The following RERE variants were observed in gnomAD, a reference collection of about 807,000 sequenced individuals.
RERE encodes the protein arginine-glutamic acid dipeptide repeats protein.
RERE carries 40 observed loss-of-function variants against 146.1 expected under a neutral mutation model. The ratio of observed to expected loss-of-function variants is 0.27; its 90% CI spans 0.21 to 0.36. The LOEUF is 0.36. Among genes scored for constraint, RERE ranks in the 10% least tolerant of loss-of-function variants. The pLI is 1.00. For synonymous variants in RERE, 1,003 were observed against 866.0 expected (o/e 1.16, Z -2.78); for missense variants, 1,933 against 2,138.7 (o/e 0.90, Z 1.90).
chr1:8,537,801 G>A (rs1161790563), intron 7 of RERE, among the ~76,000 whole-genome samples: 2 of 150,860 alleles, frequency 1.3e-5, no homozygotes, highest in Non-Finnish European at 3.0e-5. Context: ...AATCCATCAG[G>A]AACAAAAAAA....
intron 12 of RERE, among the ~76,000 whole-genome samples, chr1:8,420,439 C>A (rs1266012232): frequency 6.6e-6 from 1 of 152,114 alleles, no homozygotes; most frequent in Non-Finnish European, 1.5e-5. Context: ...TCTTCTGCAG[C>A]AAAAAGTAAA....
intron 7 of RERE, among the ~76,000 whole-genome samples, chr1:8,536,222 A>G (rs977488646): frequency 6.6e-6 from 1 of 152,188 alleles, no homozygotes; most frequent in African/African-American, 2.4e-5. Context: ...AGTTTTCTGC[A>G]GGGTAGCTTT....
intron 8 of RERE, among the ~76,000 whole-genome samples, chr1:8,499,349 T>C (rs1645097473): frequency 6.6e-6 from 1 of 152,238 alleles, no homozygotes; most frequent in Non-Finnish European, 1.5e-5. Flanking sequence ...TATCCCAATC[T>C]GGACTAGCCA....
intron 4 of RERE, among the ~76,000 whole-genome samples, chr1:8,595,893 C>T (rs1481500060): frequency 6.6e-6 from 1 of 152,178 alleles, no homozygotes; most frequent in Non-Finnish European, 1.5e-5. Context: ...TACACAGGCA[C>T]AAGGCTACAA....
At chr1:8,508,752 T>C in intron 7 of RERE, 77 bp from the exon 8 acceptor site, 1 of 1,180,236 alleles carries the variant, frequency 8.5e-7, no homozygotes, top group Non-Finnish European at 1.2e-6. Flanking sequence ...TCAAAAAAAG[T>C]AATTCTCTTC....
intron 11 of RERE, among the ~76,000 whole-genome samples, chr1:8,457,543 G>A (rs1015506767): frequency 6.6e-6 from 1 of 152,098 alleles, no homozygotes; most frequent in African/African-American, 2.4e-5. Context: ...GGCAATTAGG[G>A]GGCTACCAAG....
In RERE at chr1:8,356,267, C is replaced by A. The variant is rs1169585457; in HGVS notation, c.4340-21G>T. ...TGAACCTAAGGAAAGGACAAAACGC[C>A]AGATGGAGGCGGTGTGCAGCTCTTC... On this transcript the variant is annotated intron_variant, in intron 20 of 22. Transcript: ENST00000400908. This position sits in a 1 kb window ranked among gnomAD's most constrained non-coding sequence, Gnocchi z 5.2. 3 of 1,509,898 alleles carry A rather than the reference C, an allele frequency of 2.0e-6. No individual in the cohort carries two copies. The highest frequency in any genetic ancestry group is 2.6e-6 in the Non-Finnish European group (3 of 1,141,116). The allele number at this position is 1,509,898 out of a possible 1,614,324, so 93.5% of individuals were successfully genotyped here.
chr1:8,692,695 T>C (rs148009099), intron 1 of RERE, among the ~76,000 whole-genome samples: 19 of 152,276 alleles, frequency 1.2e-4, no homozygotes, highest in African/African-American at 4.3e-4. Context: ...ATACCTAATA[T>C]AATATAAACG....
intron 4 of RERE, among the ~76,000 whole-genome samples, chr1:8,593,788 T>C (rs1031839024): frequency 6.6e-6 from 1 of 152,220 alleles, no homozygotes; most frequent in South Asian, 2.1e-4. Flanking sequence ...AACAGTCCTA[T>C]TGGTGAGCCA....
In RERE at chr1:8,358,749, G is replaced by A. The variant is rs1020816578; in HGVS notation, c.3786C>T (p.Pro1262=). The A allele has an allele frequency of 4.3e-6, 7 of 1,610,414 alleles. No individual in the cohort carries two copies. The highest frequency in any genetic ancestry group is 1.3e-5 in the African/African-American group (1 of 74,884). Residue 1262 remains proline (P), a synonymous_variant, in exon 20 of 23, where the codon CCC becomes CCT. Coordinates refer to ENST00000400908, the MANE Select transcript of RERE (RefSeq NM_001042681.2). The part of the protein sequence containing the change: ...ALRTLSEYAR[P]HVMSPTNRNH... ...TGCGGTTGGTGGGCGACATGACGTGGGGCCGGGCGTACTCGCTCAGAGTCC... is the reference window on the plus strand; with the variant it reads ...TGCGGTTGGTGGGCGACATGACGTGAGGCCGGGCGTACTCGCTCAGAGTCC...
chr1:8,359,820 T>C lies in RERE; in HGVS notation c.3562A>G (p.Lys1188Glu), dbSNP rs1641483186. ...AREEREREKE[K>E]EKERERERER... ...CGCTCCCGCTCCCGCTCCTTCTCCTTCTCCTTCTCCCGCTCTCGCTCCTCT... is the reference window on the plus strand; with the variant it reads ...CGCTCCCGCTCCCGCTCCTTCTCCTCCTCCTTCTCCCGCTCTCGCTCCTCT... Residue 1188 changes from lysine to glutamate, a missense_variant, in exon 19 of 23, where the codon AAG becomes GAG. Physicochemically the swap from Lys to Glu is moderately conservative, Grantham distance 56. Coordinates refer to ENST00000400908, the MANE Select transcript of RERE (RefSeq NM_001042681.2). 2.5e-6 allele frequency: 4 copies of C among 1,606,902 alleles called. No individual in the cohort carries two copies. Among genetic ancestry groups the C allele is most frequent in the Non-Finnish European group, 3.4e-6 (4 of 1,179,470 alleles).
At chr1:8,789,301 A>AAAAAAAATATATATATATATAT in intron 1 of RERE, among the ~76,000 whole-genome samples, 1 of 24,814 alleles carries the variant, frequency 4.0e-5, no homozygotes, top group Non-Finnish European at 6.5e-5. Context: ...AAAAAAAAAA[A>AAAAAAAATATATATATATATAT]ATATATATAT....
intron 1 of RERE, among the ~76,000 whole-genome samples, chr1:8,679,534 T>A (rs1264877565): frequency 6.6e-6 from 1 of 152,148 alleles, no homozygotes; most frequent in African/African-American, 2.4e-5. Context: ...TATTATACCA[T>A]CACTCTGAAA....
rs570243712 is a variant in RERE, at chr1:8,358,460, C to A, written c.4075G>T (p.Ala1359Ser). The change falls in exon 20 of 23, where the codon GCC (alanine) becomes TCC (serine). Residue 1359 changes from alanine (A) to serine (S), a missense_variant. Ala to Ser is a moderately conservative substitution (Grantham distance 99). Coordinates refer to ENST00000400908, the MANE Select transcript of RERE (RefSeq NM_001042681.2). ...RHSALTIPPT[A>S]GPHPFASFHP... The stretch of plus-strand genomic sequence containing the variant: ...AAAGAAGCAAAAGGGTGGGGCCCGG[C>A]GGTCGGGGGGATGGTGAGGGCGCTG... 1.3e-6 allele frequency: 2 copies of A among 1,583,704 alleles called. No individual in the cohort carries two copies. The highest frequency in any genetic ancestry group is 1.1e-5 in the South Asian group (1 of 88,584).
At position 8,467,896 on chromosome 1, in the gene RERE, G is replaced by A. The variant is rs138875232; in HGVS notation, c.1105-1873C>T. ...CTTGACCTCGTGATCCACCCGCCTC[G>A]GCCTCCCAAAGTATTGGGATAACAG... is the stretch of plus-strand genomic sequence containing the variant. On this transcript the variant is annotated intron_variant, in intron 10 of 22. Coordinates refer to ENST00000400908, the MANE Select transcript of RERE (RefSeq NM_001042681.2). Among the ~76,000 whole-genome samples, 488 of 152,186 alleles carry A rather than the reference G, an allele frequency of 3.2e-3. 3 individuals are homozygous for A. The highest frequency in any genetic ancestry group is 0.011 in the African/African-American group (445 of 41,530).
At chr1:8,710,938 C>T (rs1233508914) in intron 1 of RERE, among the ~76,000 whole-genome samples, 1 of 151,928 alleles carries the variant, frequency 6.6e-6, no homozygotes, top group Admixed American at 6.6e-5. Flanking sequence ...GGGTGGATCA[C>T]TTAAGGCCAG....
rs112953400 is a variant in RERE, at chr1:8,507,233, G to A, written c.879+1394C>T. Among the ~76,000 whole-genome samples, 1,247 of 152,310 alleles carry A rather than the reference G, an allele frequency of 8.2e-3. 13 individuals are homozygous for A. Among genetic ancestry groups the A allele is most frequent in the African/African-American group, 0.029 (1,191 of 41,574 alleles). Reference sequence around the variant, plus strand: ...CAAGGCTGCCGTGAGCCGTGATCGTGCCTCTGTGCTCTAGCCTTGGCAACA... The same window carrying A: ...CAAGGCTGCCGTGAGCCGTGATCGTACCTCTGTGCTCTAGCCTTGGCAACA... On this transcript the variant is annotated intron_variant, in intron 8 of 22. Transcript: ENST00000400908.
chr1:8,777,261 A>AT (rs1414889939), intron 1 of RERE, among the ~76,000 whole-genome samples: 1 of 151,630 alleles, frequency 6.6e-6, no homozygotes, highest in Non-Finnish European at 1.5e-5. Context: ...AGAAGTCCAG[A>AT]TTTTCTCTTT....
intron 10 of RERE, among the ~76,000 whole-genome samples, chr1:8,483,680 A>G (rs997565488): frequency 6.6e-6 from 1 of 152,226 alleles, no homozygotes; most frequent in East Asian, 1.9e-4. Context: ...GAAAACACAA[A>G]TAATTAATAC....
Sources: allele counts gnomAD v4.1 joint callset (sites outside exome capture counted in the v4.1 genomes callset), GRCh38; gene constraint gnomAD v4.1.1; non-coding constraint Gnocchi (gnomAD v3.1); transcripts MANE v1.5; gene names NCBI Gene and HGNC (gene_info 2026-07-23, HGNC 2026-07-21).